Variants in MARCHF7 observed in about 807,000 individuals in gnomAD.
The protein encoded by MARCHF7 is membrane associated ring-CH-type finger 7, also known as E3 ubiquitin-protein ligase MARCHF7.
Under a neutral mutation model 76.5 loss-of-function variants are expected in MARCHF7, and 20 were observed. The observed-to-expected ratio is 0.26, with a 90% confidence interval of 0.18 to 0.38. The LOEUF is 0.38. Among genes scored for constraint, MARCHF7 ranks in the 10% least tolerant of loss-of-function variants. The pLI is 1.00. For missense variants in MARCHF7, 797 were observed against 812.9 expected, an observed-to-expected ratio of 0.98 and a Z score of 0.24; for synonymous variants, 295 against 293.0, an observed-to-expected ratio of 1.01 and a Z score of -0.07.
At chr2:159,715,091 A>G (rs543150348) in intron 2 of MARCHF7, among the ~76,000 whole-genome samples, 1 of 152,362 alleles carries the variant, frequency 6.6e-6, no homozygotes, top group Non-Finnish European at 1.5e-5. Context: ...AATGAAATGC[A>G]CAGCGTTGCA....
At chr2:159,740,873 G>A (rs1046061888) in intron 4 of MARCHF7, among the ~76,000 whole-genome samples, 19 of 152,098 alleles carry the variant, frequency 1.2e-4, no homozygotes, top group African/African-American at 4.6e-4. Context: ...CAGGCAATAT[G>A]TTTCTCATAA....
chr2:159,765,452 A>T (rs530185983), intron 11 of MARCHF7, among the ~76,000 whole-genome samples: 1 of 152,266 alleles, frequency 6.6e-6, no homozygotes, highest in East Asian at 1.9e-4. Flanking sequence ...TAGTTTCTAG[A>T]AATTGAAGAT....
At chr2:159,717,285 C>T (rs965024032) in intron 3 of MARCHF7, among the ~76,000 whole-genome samples, 2 of 152,070 alleles carry the variant, frequency 1.3e-5, no homozygotes, top group African/African-American at 4.8e-5. Context: ...GGGGCTAATA[C>T]TAGGATGGGG....
chr2:159,719,634 C>T (rs1210940643), intron 3 of MARCHF7, among the ~76,000 whole-genome samples: 1 of 152,138 alleles, frequency 6.6e-6, no homozygotes, highest in Non-Finnish European at 1.5e-5. Flanking sequence ...TTTCCTCCTT[C>T]CCCAGTTTTT....
intron 4 of MARCHF7, among the ~76,000 whole-genome samples, chr2:159,737,337 T>A (rs1269931063): frequency 6.6e-6 from 1 of 152,156 alleles, no homozygotes; most frequent in Non-Finnish European, 1.5e-5. Flanking sequence ...AATAAAAATA[T>A]AACCCAATTT....
intron 3 of MARCHF7, among the ~76,000 whole-genome samples, chr2:159,718,483 C>T (rs955555843): frequency 1.3e-5 from 2 of 152,032 alleles, no homozygotes; most frequent in African/African-American, 2.4e-5. Context: ...TTGACAGATA[C>T]CTGATCAAGG....
Position 159,749,005 on chromosome 2 carries a change from G to T in MARCHF7, c.1613+102G>T, listed in dbSNP as rs188676513. The T allele has an allele frequency of 4.3e-4, 525 of 1,216,358 alleles. No homozygotes were observed. The African/African-American group carries it at 8.0e-3, about 19-fold the overall frequency. 75.3% of individuals were successfully genotyped at this position (1,216,358 alleles called of 1,614,324 possible). ...TTTTTTTTTTTTTTTTTGAGACGGA[G>T]TCTCAGTCTGTCACCCAGGCTGGAG... On this transcript the variant is annotated intron_variant, in intron 7 of 11. Coordinates refer to ENST00000409175, the MANE Select transcript of MARCHF7 (RefSeq NM_001282805.2).
chr2:159,742,985 T>TTA (rs1560010037), intron 4 of MARCHF7, 76 bp from the exon 5 acceptor site: 3 of 1,263,740 alleles, frequency 2.4e-6, no homozygotes, highest in Non-Finnish European at 3.3e-6. Flanking sequence ...TTGTGGGAAT[T>TTA]TATTAGAGGA....
At chr2:159,746,394 A>G (rs923705002) in intron 6 of MARCHF7, among the ~76,000 whole-genome samples, 1 of 151,978 alleles carries the variant, frequency 6.6e-6, no homozygotes, top group Admixed American at 6.6e-5. Flanking sequence ...CAAGACCCAC[A>G]CTTTGTTTTT....
intron 10 of MARCHF7, among the ~76,000 whole-genome samples, chr2:159,764,259 C>CGCGT (rs774486896): frequency 7.9e-6 from 1 of 126,448 alleles, no homozygotes; most frequent in Admixed American, 7.8e-5. Context: ...TGTGTGTGCG[C>CGCGT]GCGCCCACTG....
intron 3 of MARCHF7, among the ~76,000 whole-genome samples, chr2:159,718,998 T>C (rs1701331075): frequency 6.6e-6 from 1 of 152,094 alleles, no homozygotes; most frequent in Admixed American, 6.6e-5. Context: ...TGCTTATTAT[T>C]ATTATTTTCA....
intron 5 of MARCHF7, among the ~76,000 whole-genome samples, chr2:159,743,971 G>GTTTTTTT (rs1412931838): frequency 2.8e-5 from 3 of 108,390 alleles, no homozygotes; most frequent in Non-Finnish European, 5.8e-5. Flanking sequence ...TTTAGTAGGA[G>GTTTTTTT]TTCTTTTTTT....
chr2:159,742,954 A>C (rs1704322195), intron 4 of MARCHF7, 107 bp from the exon 5 acceptor site: 1 of 994,070 alleles, frequency 1.0e-6, no homozygotes, highest in African/African-American at 1.6e-5. Flanking sequence ...AAAAAGAACT[A>C]CGTGGTAGAA....
intron 3 of MARCHF7, among the ~76,000 whole-genome samples, chr2:159,726,218 GGTTTTGTTTTGTTTTGTTTT>G (rs71969424): frequency 0.084 from 10,720 of 127,796 alleles, 921 homozygotes; most frequent in African/African-American, 0.22. Flanking sequence ...TCCAGATACA[GGTTTTGTTTTGTTTTGTTTT>G]GTTTTGTTTT....
rs750322695 is a variant in MARCHF7, at chr2:159,747,975, A to G, written c.685A>G (p.Arg229Gly). The change falls in exon 7 of 12, where the codon AGA (arginine) becomes GGA (glycine). Residue 229 changes from arginine (R) to glycine (G), a missense_variant. This residue lies in a region of MARCHF7 where 643 missense variants were observed against 631.5 expected (regional missense o/e 1.02). Coordinates refer to ENST00000409175, the MANE Select transcript of MARCHF7 (RefSeq NM_001282805.2). ...RNSLRSNFSSRESESSRSNTQ... is the reference protein window; with the variant it reads ...RNSLRSNFSSGESESSRSNTQ... ...TTCTTTAAGATCAAATTTTTCTTCA[A>G]GAGAATCAGAATCTTCCCGAAGCAA... The G allele has an allele frequency of 1.9e-6, 3 of 1,614,128 alleles. No homozygotes were observed. Among genetic ancestry groups the G allele is most frequent in the Admixed American group, 1.7e-5 (1 of 60,010 alleles).
intron 3 of MARCHF7, among the ~76,000 whole-genome samples, chr2:159,725,522 A>G (rs1243110324): frequency 1.3e-5 from 2 of 151,448 alleles, no homozygotes; most frequent in Non-Finnish European, 2.9e-5. Flanking sequence ...CCACTTTTTT[A>G]TAGGGTTGTT....
chr2:159,751,122 GGCTGTCT>G (rs1193844860), intron 7 of MARCHF7, among the ~76,000 whole-genome samples: 2 of 152,162 alleles, frequency 1.3e-5, no homozygotes, highest in South Asian at 4.1e-4. Flanking sequence ...TCCAATTGCA[GGCTGTCT>G]GCTGTCTGCT....
chr2:159,724,756 A>G (rs991075118), intron 3 of MARCHF7, among the ~76,000 whole-genome samples: 4 of 152,198 alleles, frequency 2.6e-5, no homozygotes, highest in Non-Finnish European at 5.9e-5. Flanking sequence ...ATATGTATAC[A>G]TGTGCCATGT....
chr2:159,750,284 T>C (rs774003890), intron 7 of MARCHF7, among the ~76,000 whole-genome samples: 1 of 152,204 alleles, frequency 6.6e-6, no homozygotes, highest in Non-Finnish European at 1.5e-5. Context: ...CCCAGCACTT[T>C]GGGAGGCCAA....
Sources: allele counts gnomAD v4.1 joint callset (sites outside exome capture counted in the v4.1 genomes callset), GRCh38; gene constraint gnomAD v4.1.1; regional missense constraint gnomAD v4.1.1; transcripts MANE v1.5; gene names NCBI Gene and HGNC (gene_info 2026-07-23, HGNC 2026-07-21).